VWA8: variants seen among roughly 807,000 people sequenced by gnomAD.
VWA8 encodes the protein von Willebrand factor A domain containing 8.
A neutral mutation model predicts 241.5 loss-of-function variants in VWA8; 221 were observed. The ratio of observed to expected loss-of-function variants is 0.91; its 90% CI spans 0.82 to 1.02. The LOEUF is 1.02. Among genes scored for constraint, VWA8 ranks in the 50% least tolerant of loss-of-function variants. The pLI, the probability that VWA8 is intolerant of heterozygous loss-of-function variation, is 0.00. For synonymous variants in VWA8, 852 were observed against 827.1 expected, an observed-to-expected ratio of 1.03 and a Z score of -0.52; for missense variants, 2,322 against 2,328.7, an observed-to-expected ratio of 1.00 and a Z score of 0.06.
At chr13:41,612,925 G>C (rs1018381026) in intron 38 of VWA8, among the ~76,000 whole-genome samples, 2 of 151,944 alleles carry the variant, frequency 1.3e-5, no homozygotes, top group African/African-American at 4.8e-5. Context: ...TTACTTCATG[G>C]GATTGTCATG....
At chr13:41,800,234 T>A (rs9566852) in intron 17 of VWA8, among the ~76,000 whole-genome samples, 66,806 of 152,136 alleles carry the variant, frequency 0.44, 16,593 homozygotes, top group South Asian at 0.63. Context: ...GCTATGAACA[T>A]TCATGTAGAA....
At chr13:41,960,056 G>C (rs765358245) in intron 1 of VWA8, among the ~76,000 whole-genome samples, 28 of 152,076 alleles carry the variant, frequency 1.8e-4, no homozygotes, top group Non-Finnish European at 3.4e-4. Context: ...ACCATTCAAG[G>C]GTAGCAACAA....
In VWA8 at chr13:41,865,816, A is replaced by G; in HGVS notation, c.1348-3T>C. The G allele has an allele frequency of 6.2e-7, 1 of 1,614,164 alleles. No homozygotes were observed. On this transcript the variant is annotated splice_region_variant and splice_polypyrimidine_tract_variant and intron_variant, in intron 11 of 44. Coordinates refer to ENST00000379310, the MANE Select transcript of VWA8 (RefSeq NM_015058.2). ...GCGATCACTGTTTTTCCACAACCCTACAAATGGAAAAAATTATTCAAGAGG... is the reference window on the plus strand; with the variant it reads ...GCGATCACTGTTTTTCCACAACCCTGCAAATGGAAAAAATTATTCAAGAGG...
intron 21 of VWA8, among the ~76,000 whole-genome samples, chr13:41,751,901 C>A (rs2045658941): frequency 6.6e-6 from 1 of 152,108 alleles, no homozygotes; most frequent in African/African-American, 2.4e-5. Context: ...CACAGGGGAG[C>A]TTGACCTGGA....
chr13:41,685,296 C>A, intron 34 of VWA8, 54 bp from the exon 35 acceptor site: 1 of 1,504,844 alleles, frequency 6.6e-7, no homozygotes, highest in Non-Finnish European at 9.0e-7. Flanking sequence ...ACATTCACCA[C>A]AACCTTAACA....
intron 7 of VWA8, among the ~76,000 whole-genome samples, chr13:41,886,264 T>C (rs1376849519): frequency 6.6e-6 from 1 of 152,142 alleles, no homozygotes; most frequent in Non-Finnish European, 1.5e-5. Context: ...GGTCCAAATC[T>C]ACCCTGCCAG....
Position 41,689,492 on chromosome 13 carries a change from T to C in VWA8, c.3993A>G (p.Ile1331Met). ...FGVTQETEFS[I>M]PHKISSDQLS... ...GTTGATCACTGGAAATTTTATGAGG[T>C]ATGCTGAACTCTGTTTCTGAAAAGT... The change falls in exon 34 of 45, where the codon ATA becomes ATG. Residue 1331 changes from isoleucine (I) to methionine (M), a missense_variant. Coordinates refer to ENST00000379310, the MANE Select transcript of VWA8 (RefSeq NM_015058.2). The C allele has an allele frequency of 1.9e-6, 3 of 1,608,388 alleles. No homozygotes were observed.
intron 37 of VWA8, among the ~76,000 whole-genome samples, chr13:41,634,109 G>T (rs1566395759): frequency 6.6e-6 from 1 of 152,130 alleles, no homozygotes; most frequent in Non-Finnish European, 1.5e-5. Flanking sequence ...GCCGTGGCTT[G>T]GTCAGCAGGC....
intron 26 of VWA8, 190 bp downstream of exon 26, chr13:41,719,401 A>C (rs2045367396): frequency 7.1e-7 from 1 of 1,413,336 alleles, no homozygotes; most frequent in East Asian, 2.6e-5. Context: ...AATAATCAAA[A>C]TTTTCAATTT....
chr13:41,932,078 A>C (rs1489675590), intron 2 of VWA8, among the ~76,000 whole-genome samples: 2 of 152,168 alleles, frequency 1.3e-5, no homozygotes, highest in African/African-American at 4.8e-5. Context: ...ATTAAGAGAG[A>C]GAAGACACAA....
intron 19 of VWA8, among the ~76,000 whole-genome samples, chr13:41,783,201 T>TTA (rs1365444371): frequency 1.3e-5 from 2 of 148,400 alleles, no homozygotes; most frequent in Admixed American, 6.8e-5. Flanking sequence ...ATATATGTAC[T>TTA]TATATATATA....
chr13:41,591,417 C>A (rs2044454108), intron 40 of VWA8, among the ~76,000 whole-genome samples: 1 of 152,134 alleles, frequency 6.6e-6, no homozygotes, highest in South Asian at 2.1e-4. Context: ...CCAATCAAGG[C>A]ATATGCTTAT....
At chr13:41,944,255 A>C (rs1056032756) in intron 2 of VWA8, among the ~76,000 whole-genome samples, 10 of 152,140 alleles carry the variant, frequency 6.6e-5, no homozygotes, top group African/African-American at 2.4e-4. Flanking sequence ...CAACTTCTTT[A>C]GAACTCTGGA....
intron 35 of VWA8, among the ~76,000 whole-genome samples, chr13:41,683,842 G>A (rs942174122): frequency 2.0e-4 from 31 of 152,252 alleles, no homozygotes; most frequent in Middle Eastern, 3.4e-3. Context: ...AAATGTGGAG[G>A]ATGAGGGAGA....
chr13:41,644,800 TG>T (rs1344142204), intron 37 of VWA8, among the ~76,000 whole-genome samples: 4 of 152,248 alleles, frequency 2.6e-5, no homozygotes, highest in African/African-American at 9.6e-5. Context: ...AGGAGTGTTT[TG>T]GGTCTCTATT....
intron 9 of VWA8, among the ~76,000 whole-genome samples, chr13:41,868,699 C>T (rs542078317): frequency 6.6e-6 from 1 of 151,888 alleles, no homozygotes; most frequent in South Asian, 2.1e-4. Flanking sequence ...TCCTGGCTAA[C>T]ACGGTGAAAC....
intron 20 of VWA8, among the ~76,000 whole-genome samples, chr13:41,768,041 T>C (rs1464827532): frequency 6.6e-6 from 1 of 152,264 alleles, no homozygotes; most frequent in Non-Finnish European, 1.5e-5. Context: ...GGCAACTTCA[T>C]TAACTAAGGG....
At chr13:41,657,924 G>A (rs1377546948) in intron 37 of VWA8, among the ~76,000 whole-genome samples, 2 of 152,200 alleles carry the variant, frequency 1.3e-5, no homozygotes, top group Non-Finnish European at 2.9e-5. Flanking sequence ...GACGTCTACT[G>A]GAGTAAAGAA....
At chr13:41,633,549 G>T (rs1054137397) in intron 37 of VWA8, among the ~76,000 whole-genome samples, 3 of 152,192 alleles carry the variant, frequency 2.0e-5, no homozygotes, top group African/African-American at 7.2e-5. Flanking sequence ...TAGGAGAAAA[G>T]AATACCATTG....
Sources: gnomAD v4.1 joint callset for allele counts (sites outside exome capture counted in the v4.1 genomes callset) on GRCh38, gnomAD v4.1.1 for gene constraint, MANE v1.5 for transcripts, NCBI Gene and HGNC (gene_info 2026-07-23, HGNC 2026-07-21) for gene names.